Variants in CIMAP2 observed in about 807,000 individuals in gnomAD.
CIMAP2 encodes the protein ciliary microtubule-associated protein 2.
the CIMAP2 span, among the ~76,000 whole-genome samples, chr1:54,806,400 C>G: frequency 1.1e-4 from 16 of 152,324 alleles, no homozygotes; most frequent in African/African-American, 2.6e-4. Flanking sequence ...TTCTCTCCCC[C>G]TCTTGCTTAG....
At chr1:54,820,148 C>CCCTTCCTT in the CIMAP2 span, among the ~76,000 whole-genome samples, 15 of 116,302 alleles carry the variant, frequency 1.3e-4, no homozygotes, top group East Asian at 2.4e-3. Context: ...CTCTCTTTCT[C>CCCTTCCTT]CCTTCCTTCC....
chr1:54,823,760 A>G, the CIMAP2 span, among the ~76,000 whole-genome samples: 1 of 152,064 alleles, frequency 6.6e-6, no homozygotes, highest in Non-Finnish European at 1.5e-5. Context: ...ATACTTTTGT[A>G]TGTTTTCATG....
chr1:54,810,741 T>C, the CIMAP2 span, among the ~76,000 whole-genome samples: 1 of 152,180 alleles, frequency 6.6e-6, no homozygotes, highest in Non-Finnish European at 1.5e-5. Flanking sequence ...GCCTACAAAA[T>C]CACGCTTCTG....
chr1:54,811,441 C>T, the CIMAP2 span, among the ~76,000 whole-genome samples: 3 of 152,016 alleles, frequency 2.0e-5, no homozygotes, highest in South Asian at 2.1e-4. Flanking sequence ...GTGGTGGTTA[C>T]AGCATGAGCC....
the CIMAP2 span, among the ~76,000 whole-genome samples, chr1:54,841,211 C>A: frequency 6.6e-6 from 1 of 152,204 alleles, no homozygotes; most frequent in Non-Finnish European, 1.5e-5. Context: ...TCATGGAGTT[C>A]ACATCTTGTT....
the CIMAP2 span, among the ~76,000 whole-genome samples, chr1:54,812,814 C>T: frequency 6.6e-6 from 1 of 152,244 alleles, no homozygotes; most frequent in Non-Finnish European, 1.5e-5. Flanking sequence ...CAGGGGAAAG[C>T]AGCCCTTGCG....
the CIMAP2 span, among the ~76,000 whole-genome samples, chr1:54,830,061 G>C: frequency 1.3e-5 from 2 of 151,988 alleles, no homozygotes; most frequent in Admixed American, 6.6e-5. This position sits in a 1 kb window ranked among gnomAD's most constrained non-coding sequence, Gnocchi z 4.1. Context: ...TGTTTTCACT[G>C]GGTGAACTCC....
chr1:54,811,768 T>TTCATTCCCCCCCCCCCCCCCCCCC, the CIMAP2 span: 1 of 533,354 alleles, frequency 1.9e-6, no homozygotes, highest in Non-Finnish European at 3.7e-6. Context: ...TCTGACAGCC[T>TTCATTCCCCCCCCCCCCCCCCCCC]CCATGCCCCC....
At chr1:54,823,143 A>G in the CIMAP2 span, among the ~76,000 whole-genome samples, 1 of 152,152 alleles carries the variant, frequency 6.6e-6, no homozygotes, top group East Asian at 1.9e-4. Flanking sequence ...CTGTTGGATA[A>G]TCTTTCCAAT....
the CIMAP2 span, among the ~76,000 whole-genome samples, chr1:54,819,513 C>T: frequency 2.0e-5 from 3 of 152,194 alleles, no homozygotes; most frequent in Non-Finnish European, 2.9e-5. Flanking sequence ...ACTATAGGTG[C>T]GTGCCACCAT....
chr1:54,819,842 T>TTCTTTCTTTCTTTCTTTC, the CIMAP2 span, among the ~76,000 whole-genome samples: 1 of 112,618 alleles, frequency 8.9e-6, no homozygotes. Context: ...TTCTTTCTCT[T>TTCTTTCTTTCTTTCTTTC]TCTTTCTTTC....
the CIMAP2 span, among the ~76,000 whole-genome samples, chr1:54,816,375 G>A: frequency 3.9e-5 from 6 of 152,118 alleles, no homozygotes; most frequent in Admixed American, 6.5e-5. Context: ...TGCCCTTGCC[G>A]TGTTACCTTG....
At chr1:54,814,181 G>T in the CIMAP2 span, among the ~76,000 whole-genome samples, 2 of 152,196 alleles carry the variant, frequency 1.3e-5, no homozygotes, top group Non-Finnish European at 2.9e-5. Flanking sequence ...TGAAGATGGT[G>T]AAGTGGTTGT....
At chr1:54,841,531 G>A in the CIMAP2 span, 5 of 1,603,256 alleles carry the variant, frequency 3.1e-6, no homozygotes, top group East Asian at 1.1e-4. Flanking sequence ...CAGGGACTAT[G>A]ATTTTATACC....
the CIMAP2 span, among the ~76,000 whole-genome samples, chr1:54,840,756 A>C: frequency 0.74 from 113,202 of 152,196 alleles, 43,376 homozygotes; most frequent in Middle Eastern, 0.85. Context: ...TTTCATAGGC[A>C]TCCTCTGATG....
chr1:54,812,801 G>T, the CIMAP2 span, among the ~76,000 whole-genome samples: 1 of 152,230 alleles, frequency 6.6e-6, no homozygotes, highest in African/African-American at 2.4e-5. Context: ...AGTAGGTGAG[G>T]TACAGGGGAA....
the CIMAP2 span, among the ~76,000 whole-genome samples, chr1:54,821,569 A>G: frequency 6.6e-6 from 1 of 151,900 alleles, no homozygotes; most frequent in Non-Finnish European, 1.5e-5. Flanking sequence ...GTCCTCTTCA[A>G]TTTCTTTCAT....
At chr1:54,806,854 A>C in the CIMAP2 span, 2 of 777,064 alleles carry the variant, frequency 2.6e-6, no homozygotes, top group East Asian at 2.4e-5. Context: ...ATTCAAAGCC[A>C]CTGCAACTCC....
the CIMAP2 span, among the ~76,000 whole-genome samples, chr1:54,813,255 A>G: frequency 6.6e-6 from 1 of 151,824 alleles, no homozygotes; most frequent in South Asian, 2.1e-4. Context: ...CCGACCACCA[A>G]CATCCCACAG....
Sources: gnomAD v4.1 joint callset for allele counts (sites outside exome capture counted in the v4.1 genomes callset) on GRCh38, gnomAD v4.1.1 for gene constraint, Gnocchi (gnomAD v3.1) non-coding constraint, MANE v1.5 for transcripts, NCBI Gene and HGNC (gene_info 2026-07-23, HGNC 2026-07-21) for gene names.